Variants in C3orf52 observed in about 807,000 individuals in gnomAD.
C3orf52 encodes TPA-induced transmembrane protein.
A neutral mutation model predicts 24.8 loss-of-function variants in C3orf52; 22 were observed. The ratio of observed to expected loss-of-function variants is 0.89; its 90% confidence interval spans 0.63 to 1.27. The LOEUF (loss-of-function observed/expected upper bound fraction) is 1.27, where lower values mean the gene tolerates loss of function less well. Among genes scored for constraint, C3orf52 ranks in the 50% most tolerant of loss-of-function variants. The pLI, the probability that C3orf52 is intolerant of heterozygous loss-of-function variation, is 0.00. For synonymous variants in C3orf52, 93 were observed against 100.2 expected (o/e 0.93, Z 0.43); for missense variants, 265 against 260.7 (o/e 1.02, Z -0.11).
At chr3:112,125,546 G>A (rs907533829) in intron 4 of C3orf52, among the ~76,000 whole-genome samples, 11 of 152,168 alleles carry the variant, frequency 7.2e-5, no homozygotes, top group East Asian at 3.9e-4. Flanking sequence ...ACCTAGCCCC[G>A]TCTCCTTCCT....
At chr3:112,115,341 T>C (rs2074125095) in intron 5 of C3orf52, among the ~76,000 whole-genome samples, 1 of 151,454 alleles carries the variant, frequency 6.6e-6, no homozygotes. Flanking sequence ...AAAGGGAAAA[T>C]GTGTCAGGGA....
chr3:112,116,950 G>A lies in C3orf52; in HGVS notation c.*304G>A. 1 of 1,527,200 alleles carries A rather than the reference G, an allele frequency of 6.5e-7. No homozygotes were observed. 94.6% of individuals were successfully genotyped at this position (1,527,200 alleles called of 1,614,324 possible). On this transcript the variant is annotated 3_prime_UTR_variant, in exon 6 of 6. Coordinates refer to ENST00000264848, the MANE Select transcript of C3orf52 (RefSeq NM_024616.3). ...GGTCACTGGTATTCTGTTTGTTTTTGTTTTGTTTCGTTTTGTTTTTTGAGA... is the reference window on the plus strand; with the variant it reads ...GGTCACTGGTATTCTGTTTGTTTTTATTTTGTTTCGTTTTGTTTTTTGAGA...
intron 2 of C3orf52, among the ~76,000 whole-genome samples, chr3:112,095,020 C>G (rs933111083): frequency 6.6e-6 from 1 of 152,198 alleles, no homozygotes; most frequent in African/African-American, 2.4e-5. Context: ...TTCTCCCAAC[C>G]CCTTAATTTC....
intron 2 of C3orf52, among the ~76,000 whole-genome samples, chr3:112,095,926 C>G (rs1278605347): frequency 1.3e-5 from 2 of 152,048 alleles, no homozygotes; most frequent in African/African-American, 4.8e-5. Context: ...TTGCCAAGCC[C>G]ATTAATATGA....
intron 3 of C3orf52, among the ~76,000 whole-genome samples, chr3:112,105,748 G>T (rs529293604): frequency 6.6e-6 from 1 of 151,288 alleles, no homozygotes; most frequent in East Asian, 1.9e-4. Flanking sequence ...GTGTGAACCC[G>T]GCAGGCAGAG....
chr3:112,109,315 G>A (rs971798916), intron 3 of C3orf52, among the ~76,000 whole-genome samples: 11 of 152,208 alleles, frequency 7.2e-5, no homozygotes, highest in Non-Finnish European at 1.5e-4. Context: ...TGCAACTTCT[G>A]AGAGAAACTG....
At chr3:112,094,527 T>C (rs1399659477) in intron 2 of C3orf52, among the ~76,000 whole-genome samples, 1 of 152,246 alleles carries the variant, frequency 6.6e-6, no homozygotes, top group South Asian at 2.1e-4. Flanking sequence ...GTTGCATTTC[T>C]AAAATAATTT....
rs1431081669 is a variant in C3orf52, at chr3:112,093,380, G to A, written c.159G>A (p.Trp53Ter). 6.2e-7 allele frequency: 1 copy of A among 1,613,894 alleles called. No individual in the cohort carries two copies. The highest frequency in any genetic ancestry group is 2.2e-5 in the East Asian group (1 of 44,878). The change falls in exon 2 of 6, where the codon TGG (tryptophan) becomes TGA (stop). Residue 53 changes from tryptophan to a stop codon, truncating the protein, a stop_gained. Transcript: ENST00000264848. LOFTEE classifies it high-confidence loss of function. The part of the protein sequence containing the change: ...PPAEANKESP[W>*]SSCNKNVVGR... ...TCTAGGCTAACAAGGAAAGCCCCTG[G>A]AGCTCCTGTAATAAGAATGTGGTTG... is the stretch of plus-strand genomic sequence containing the variant.
downstream of C3orf52, among the ~76,000 whole-genome samples, chr3:112,118,734 A>G (rs995896364): frequency 6.6e-6 from 1 of 152,200 alleles, no homozygotes; most frequent in Non-Finnish European, 1.5e-5. Context: ...TCATCACACA[A>G]CATCATGATG....
At chr3:112,130,536 C>G (rs750955534), downstream of C3orf52, 5 of 1,607,466 alleles carry the variant, frequency 3.1e-6, no homozygotes, top group African/African-American at 1.3e-5. Context: ...ATATCAGAAA[C>G]AGGCTAAGTA....
rs1425061527 is a variant in C3orf52, at chr3:112,125,251, T to C, written c.*47-2982T>C. Reference sequence around the variant, plus strand: ...CTGGATGGGAGTAGATGACATTCTTTCATCTGGAGAAAGAAAATACACTCA... The same window carrying C: ...CTGGATGGGAGTAGATGACATTCTTCCATCTGGAGAAAGAAAATACACTCA... On this transcript the variant is annotated intron_variant, in intron 4 of 4. Coordinates refer to the C3orf52 transcript ENST00000480282. The C allele has an allele frequency of 3.2e-6, 5 of 1,577,756 alleles. No individual in the cohort carries two copies. The South Asian group carries it at 3.3e-5, about 10-fold the overall frequency.
chr3:112,087,769 G>A (rs1029984437), intron 1 of C3orf52, among the ~76,000 whole-genome samples: 3 of 151,060 alleles, frequency 2.0e-5, no homozygotes, highest in Non-Finnish European at 4.4e-5. Flanking sequence ...AGTCCTCCAG[G>A]GCGGTGTCCA....
downstream of C3orf52, among the ~76,000 whole-genome samples, chr3:112,120,082 T>C (rs530957866): frequency 8.5e-5 from 13 of 152,308 alleles, no homozygotes; most frequent in African/African-American, 3.1e-4. Flanking sequence ...GGAGGCTTTC[T>C]ATGATGATGA....
intron 1 of C3orf52, among the ~76,000 whole-genome samples, chr3:112,089,562 A>G (rs980580351): frequency 4.6e-5 from 7 of 151,692 alleles, no homozygotes; most frequent in South Asian, 2.1e-4. Flanking sequence ...ATTTATTTCA[A>G]TGAGCTAGCT....
chr3:112,100,684 G>C (rs1282112181), intron 2 of C3orf52, among the ~76,000 whole-genome samples: 2 of 152,112 alleles, frequency 1.3e-5, no homozygotes, highest in African/African-American at 4.8e-5. Context: ...TACATGGTGG[G>C]TATAGAGCTC....
intron 1 of C3orf52, among the ~76,000 whole-genome samples, chr3:112,091,251 A>C (rs2073874676): frequency 6.6e-6 from 1 of 152,226 alleles, no homozygotes; most frequent in Admixed American, 6.5e-5. Context: ...TACTTGTAGA[A>C]GGCACAGGTG....
chr3:112,095,857 C>T (rs2073921143), intron 2 of C3orf52, among the ~76,000 whole-genome samples: 2 of 152,046 alleles, frequency 1.3e-5, no homozygotes. Context: ...CCAGCCTCAC[C>T]TAGAGCAGTT....
intron 2 of C3orf52, among the ~76,000 whole-genome samples, chr3:112,097,543 G>C (rs1168242896): frequency 6.6e-6 from 1 of 152,186 alleles, no homozygotes; most frequent in African/African-American, 2.4e-5. Context: ...TTGTGAATAA[G>C]AGCTACATTT....
chr3:112,106,744 C>G (rs1250014048), intron 3 of C3orf52, among the ~76,000 whole-genome samples: 1 of 152,178 alleles, frequency 6.6e-6, no homozygotes, highest in Non-Finnish European at 1.5e-5. Context: ...TGCCATGTGT[C>G]ACTGCCACAG....
Sources: gnomAD v4.1 joint callset for allele counts (sites outside exome capture counted in the v4.1 genomes callset) on GRCh38, gnomAD v4.1.1 for gene constraint, MANE v1.5 for transcripts, NCBI Gene and HGNC (gene_info 2026-07-23, HGNC 2026-07-21) for gene names.